The following SLFN12 variants were observed in gnomAD, a reference collection of about 807,000 sequenced individuals.
SLFN12 encodes ribonuclease SLFN12.
A neutral mutation model predicts 29.1 loss-of-function variants in SLFN12; 25 were observed. That is an observed-to-expected ratio of 0.86 (90% CI 0.63 to 1.20). The LOEUF is 1.20. Among genes scored for constraint, SLFN12 ranks in the 50% most tolerant of loss-of-function variants. The probability of loss-of-function intolerance (pLI) is 0.00; values close to 1 mark genes in which losing one functional copy is unlikely to be tolerated. For missense variants in SLFN12, 660 were observed against 666.2 expected (o/e 0.99, Z 0.10); for synonymous variants, 257 against 238.7 (o/e 1.08, Z -0.71).
At position 35,411,759 on chromosome 17, in the gene SLFN12, T is replaced by C. The variant is rs1911031165; in HGVS notation, c.1316A>G (p.Lys439Arg). Reference protein sequence around the residue: ...SVDLGLQENHKVLCDALLISQ... With the variant: ...SVDLGLQENHRVLCDALLISQ... ...AATCAGAAGAGCATCACAGAGGACT[T>C]TGTGGTTCTCTTGCAAGCCCAGATC... The change falls in exon 4 of 4, where the codon AAA becomes AGA. Residue 439 changes from lysine (K) to arginine (R), a missense_variant. Coordinates refer to ENST00000304905, the MANE Select transcript of SLFN12 (RefSeq NM_018042.5). The C allele has an allele frequency of 2.5e-6, 4 of 1,614,066 alleles. No homozygotes were observed. The highest frequency in any genetic ancestry group is 3.4e-6 in the Non-Finnish European group (4 of 1,180,008).
Position 35,411,656 on chromosome 17 carries a change from A to G in SLFN12, c.1419T>C (p.Thr473=), listed in dbSNP as rs773580554. 1.9e-6 allele frequency: 3 copies of G among 1,613,902 alleles called. No homozygotes were observed. Among genetic ancestry groups the G allele is most frequent in the African/African-American group, 2.7e-5 (2 of 74,924 alleles). The change falls in exon 4 of 4, where the codon ACT becomes ACC. Residue 473 remains threonine, a synonymous_variant. Transcript: ENST00000304905. ...CCAGCTTCTGCTTTAAGGTTAGGGCAGTTTGTGTAGAATAGCCTTTAAACT... is the reference window on the plus strand; with the variant it reads ...CCAGCTTCTGCTTTAAGGTTAGGGCGGTTTGTGTAGAATAGCCTTTAAACT... ...DEEFKGYSTQ[T]ALTLKQKLAK...
chr17:35,411,614 G>A lies in SLFN12; in HGVS notation c.1461C>T (p.Tyr487=), dbSNP rs1911011772. ...TTGTCATGACACACACTTTTTTAGT[G>A]TAACCACCAATTTTTGCCAGCTTCT... is the stretch of plus-strand genomic sequence containing the variant. ...LKQKLAKIGG[Y]TKKVCVMTKI... Residue 487 remains tyrosine (Y), a synonymous_variant, in exon 4 of 4, where the codon TAC becomes TAT. Transcript: ENST00000304905. The A allele has an allele frequency of 6.2e-7, 1 of 1,613,916 alleles. No homozygotes were observed. The highest frequency in any genetic ancestry group is 8.5e-7 in the Non-Finnish European group (1 of 1,180,010).
chr17:35,411,942 A>C lies in SLFN12; in HGVS notation c.1148-15T>G. On this transcript the variant is annotated splice_polypyrimidine_tract_variant and intron_variant, in intron 3 of 3. Transcript: ENST00000304905. ...TCCTGATAGCCCTGAATAAGGAAAT[A>C]ATAATAATAAATTATAAAACACTAG... is the stretch of plus-strand genomic sequence containing the variant. The C allele has an allele frequency of 6.7e-7, 1 of 1,503,056 alleles. No individual in the cohort carries two copies. Among genetic ancestry groups the C allele is most frequent in the Non-Finnish European group, 8.9e-7 (1 of 1,126,184 alleles). The allele number at this position is 1,503,056 out of a possible 1,614,324, so 93.1% of individuals were successfully genotyped here. A position where few individuals can be genotyped will look rare whatever the true frequency, so the allele number is the denominator to read the frequency against.
chr17:35,412,009 C>A (rs1256897150), intron 3 of SLFN12, 82 bp from the exon 4 acceptor site: 6 of 1,011,612 alleles, frequency 5.9e-6, no homozygotes, highest in African/African-American at 3.3e-5. Context: ...TTGTAAAAAA[C>A]CAATCTTCCC....
At chr17:35,413,054 GAACTCA>G (rs990770733) in intron 3 of SLFN12, among the ~76,000 whole-genome samples, 1 of 139,596 alleles carries the variant, frequency 7.2e-6, no homozygotes, top group Non-Finnish European at 1.6e-5. Flanking sequence ...GCAAAAGTCC[GAACTCA>G]AACTCAATAA....
Position 35,422,651 on chromosome 17 carries a change from C to T in SLFN12, c.378G>A (p.Leu126=). Residue 126 remains leucine, a synonymous_variant, in exon 2 of 4, where the codon TTG becomes TTA. Coordinates refer to ENST00000304905, the MANE Select transcript of SLFN12 (RefSeq NM_018042.5). ...TTGCAGATGTTATATCTCTTTTGTA[C>T]AAATTGGAGCTCAAGGTGGTAATCC... is the stretch of plus-strand genomic sequence containing the variant. ...GLRITTLSSN[L]YKRDITSAKV... is the part of the protein sequence containing the mutation. The T allele has an allele frequency of 6.2e-7, 1 of 1,613,766 alleles. No homozygotes were observed. The highest frequency in any genetic ancestry group is 8.5e-7 in the Non-Finnish European group (1 of 1,179,880).
chr17:35,426,736 G>T (rs1912040097), intron 1 of SLFN12, among the ~76,000 whole-genome samples: 1 of 152,068 alleles, frequency 6.6e-6, no homozygotes, highest in African/African-American at 2.4e-5. Context: ...TTCAGTGATG[G>T]GCTAAGTATA....
chr17:35,425,833 C>CTTTT (rs1475313050), intron 1 of SLFN12, among the ~76,000 whole-genome samples: 2 of 22,200 alleles, frequency 9.0e-5, no homozygotes, highest in African/African-American at 4.2e-4. Context: ...CTTTTCTTTT[C>CTTTT]TTTTCTTTTT....
chr17:35,414,224 A>G (rs183801202), intron 3 of SLFN12, among the ~76,000 whole-genome samples: 68 of 152,230 alleles, frequency 4.5e-4, no homozygotes, highest in African/African-American at 1.6e-3. Context: ...TTATATATAG[A>G]AAACCTTAAA....
chr17:35,415,615 A>G (rs1911268613), intron 3 of SLFN12, among the ~76,000 whole-genome samples: 1 of 152,154 alleles, frequency 6.6e-6, no homozygotes, highest in African/African-American at 2.4e-5. Flanking sequence ...TATGCATCTG[A>G]CAAATGACTG....
intron 3 of SLFN12, among the ~76,000 whole-genome samples, chr17:35,413,928 A>C (rs1016385043): frequency 1.3e-5 from 2 of 152,024 alleles, no homozygotes; most frequent in Non-Finnish European, 2.9e-5. Flanking sequence ...TACAAAATTC[A>C]ACATTCTGTA....
chr17:35,430,530 G>T (rs77839832), intron 1 of SLFN12: 6 of 152,048 alleles, frequency 3.9e-5, no homozygotes, highest in Non-Finnish European at 5.9e-5. Context: ...CCTCATGGTC[G>T]CATATTTGTT....
chr17:35,423,838 G>C (rs982340958), intron 1 of SLFN12, among the ~76,000 whole-genome samples: 1 of 152,084 alleles, frequency 6.6e-6, no homozygotes, highest in Non-Finnish European at 1.5e-5. Context: ...CTCCTAAAAG[G>C]GACCCCGGAA....
chr17:35,422,035 A>G lies in SLFN12; in HGVS notation c.994T>C (p.Leu332=), dbSNP rs765404619. The stretch of plus-strand genomic sequence containing the variant: ...AACTGGATCCATTCCTTCCTGGTCA[A>G]CTGCATCACACGGTTATCTTTCACA... The part of the protein sequence containing the change: ...WHVKDNRVMQ[L]TRKEWIQFMV... Residue 332 remains leucine, a synonymous_variant, in exon 2 of 4, where the codon TTG becomes CTG. Coordinates refer to ENST00000304905, the MANE Select transcript of SLFN12 (RefSeq NM_018042.5). The G allele has an allele frequency of 1.2e-5, 19 of 1,614,058 alleles. No homozygotes were observed. Among genetic ancestry groups the G allele is most frequent in the Non-Finnish European group, 1.5e-5 (18 of 1,179,992 alleles).
intron 1 of SLFN12, among the ~76,000 whole-genome samples, chr17:35,426,368 G>T (rs1456512604): frequency 6.6e-6 from 1 of 151,918 alleles, no homozygotes; most frequent in African/African-American, 2.4e-5. Flanking sequence ...AAACATCACT[G>T]CCCAGGCCAA....
rs771912550 is a variant in SLFN12 at position 35,422,103 on chromosome 17, C to T, written c.926G>A (p.Arg309His). 16 of 1,613,956 alleles carry T rather than the reference C, an allele frequency of 9.9e-6. No homozygotes were observed. In the African/African-American group the frequency reaches 1.7e-4, roughly 18 times the overall value. ...CGYVCALRVE[R>H]FCCAVFAKEP... Reference sequence around the variant, plus strand: ...TTTAGCAAACACTGCACAGCAGAAGCGCTCCACTCTGAGTGCACAGACATA... The same window carrying T: ...TTTAGCAAACACTGCACAGCAGAAGTGCTCCACTCTGAGTGCACAGACATA... Residue 309 changes from arginine (R) to histidine (H), a missense_variant, in exon 2 of 4, where the codon CGC becomes CAC. Arg to His is a conservative substitution (Grantham distance 29). Coordinates refer to ENST00000304905, the MANE Select transcript of SLFN12 (RefSeq NM_018042.5).
At chr17:35,412,236 G>T (rs1407364178) in intron 3 of SLFN12, among the ~76,000 whole-genome samples, 4 of 152,022 alleles carry the variant, frequency 2.6e-5, no homozygotes, top group Admixed American at 6.5e-5. Context: ...GTCTTATTAG[G>T]CTGAGGAAAA....
At position 35,425,838 on chromosome 17, in the gene SLFN12, C is replaced by CTTTTTTTTTTTTTTTTTTT. The variant is rs58492425; in HGVS notation, c.-40-2789_-40-2771dup. On this transcript the variant is annotated intron_variant, in intron 1 of 3. Transcript: ENST00000304905. ...GGTTCTTTTTCTTTTCTTTTCTTTT[C>CTTTTTTTTTTTTTTTTTTT]TTTTTTTTTTTTTTTTTTTTTTTTT... Among the ~76,000 whole-genome samples, 84 of 39,152 alleles carry CTTTTTTTTTTTTTTTTTTT rather than the reference C, an allele frequency of 2.1e-3. 11 individuals carry two copies. The highest frequency in any genetic ancestry group is 4.6e-3 in the African/African-American group (41 of 8,962). The allele number at this position is 39,152 out of a possible 152,430, so 25.7% of individuals were successfully genotyped here.
intron 3 of SLFN12, among the ~76,000 whole-genome samples, chr17:35,415,890 TC>T (rs1172274175): frequency 2.0e-5 from 3 of 152,144 alleles, no homozygotes; most frequent in Non-Finnish European, 4.4e-5. Context: ...AAAAGGGAAT[TC>T]TTTTATACTG....
Sources: allele counts gnomAD v4.1 joint callset (sites outside exome capture counted in the v4.1 genomes callset), GRCh38; gene constraint gnomAD v4.1.1; transcripts MANE v1.5; gene names NCBI Gene and HGNC (gene_info 2026-07-23, HGNC 2026-07-21).